Variants in GSTA5 observed in about 807,000 individuals in gnomAD.
GSTA5 encodes the protein glutathione S-transferase alpha 5, also known as glutathione S-transferase A5.
GSTA5 carries 25 observed loss-of-function variants against 21.8 expected under a neutral mutation model. That is an observed-to-expected ratio of 1.14 (90% confidence interval 0.83 to 1.60). GSTA5 has a LOEUF of 1.60. Among genes scored for constraint, GSTA5 ranks in the 40% most tolerant of loss-of-function variants. The pLI, the probability that GSTA5 is intolerant of heterozygous loss-of-function variation, is 0.00. For missense variants in GSTA5, 330 were observed against 259.2 expected (o/e 1.27, Z -1.88); for synonymous variants, 102 against 89.5 (o/e 1.14, Z -0.78).
At chr6:52,833,030 C>A in intron 4 of GSTA5, 40 bp from the exon 5 acceptor site, 3 of 1,612,246 alleles carry the variant, frequency 1.9e-6, no homozygotes, top group Non-Finnish European at 2.5e-6. Flanking sequence ...CACATGCACA[C>A]CCAGGCTGGG....
At chr6:52,843,112 T>C (rs1415602616), upstream of GSTA5, among the ~76,000 whole-genome samples, 5 of 152,226 alleles carry the variant, frequency 3.3e-5, no homozygotes, top group Non-Finnish European at 7.3e-5. Context: ...TAGTATTCCA[T>C]GGTGTATATG....
At chr6:52,833,455 G>C (rs1192476495) in intron 4 of GSTA5, among the ~76,000 whole-genome samples, 4 of 152,078 alleles carry the variant, frequency 2.6e-5, no homozygotes, top group African/African-American at 4.8e-5. Flanking sequence ...ATTTGTCCTT[G>C]TCTGCCCTCC....
intron 2 of GSTA5, among the ~76,000 whole-genome samples, 156 bp from the exon 3 acceptor site, chr6:52,836,524 T>C (rs1561926640): frequency 6.6e-6 from 1 of 152,236 alleles, no homozygotes; most frequent in Non-Finnish European, 1.5e-5. Flanking sequence ...CCTTGTTTTG[T>C]TTTTTGAGAC....
chr6:52,832,627 T>C (rs1407203267), intron 5 of GSTA5, among the ~76,000 whole-genome samples: 1 of 152,150 alleles, frequency 6.6e-6, no homozygotes, highest in Non-Finnish European at 1.5e-5. Flanking sequence ...GTCCTTTCCA[T>C]GATAAAAGGC....
intron 2 of GSTA5, among the ~76,000 whole-genome samples, chr6:52,836,826 TAA>T (rs1023295576): frequency 2.6e-5 from 4 of 152,258 alleles, no homozygotes; most frequent in African/African-American, 9.6e-5. Context: ...CAACATTTTT[TAA>T]AAGTTTCCTG....
chr6:52,840,422 A>T (rs1764356288), intron 1 of GSTA5, among the ~76,000 whole-genome samples: 1 of 152,152 alleles, frequency 6.6e-6, no homozygotes, highest in Non-Finnish European at 1.5e-5. Flanking sequence ...CATGTCATCA[A>T]ATATTCAGTC....
intron 1 of GSTA5, among the ~76,000 whole-genome samples, chr6:52,838,962 A>G (rs1764331958): frequency 6.6e-6 from 1 of 152,232 alleles, no homozygotes; most frequent in Non-Finnish European, 1.5e-5. Context: ...TTATACTTTA[A>G]TGGAGTTCTT....
At chr6:52,841,703 A>T (rs559092288), upstream of GSTA5, among the ~76,000 whole-genome samples, 2 of 152,318 alleles carry the variant, frequency 1.3e-5, no homozygotes, top group East Asian at 1.9e-4. Flanking sequence ...ATTCTTCTAA[A>T]CTTCTCTCAT....
chr6:52,839,071 T>C (rs1764335375), intron 1 of GSTA5, among the ~76,000 whole-genome samples: 1 of 152,042 alleles, frequency 6.6e-6, no homozygotes, highest in Non-Finnish European at 1.5e-5. Flanking sequence ...CTAGAGGTCA[T>C]GGGGGTGTGT....
At chr6:52,835,715 C>A (rs1452041220) in intron 3 of GSTA5, among the ~76,000 whole-genome samples, 1 of 152,122 alleles carries the variant, frequency 6.6e-6, no homozygotes, top group East Asian at 1.9e-4. Context: ...GTCAAGGTAA[C>A]CCCAGCATCC....
intron 5 of GSTA5, 70 bp downstream of exon 5, chr6:52,832,789 C>A: frequency 1.9e-6 from 3 of 1,607,600 alleles, no homozygotes; most frequent in Non-Finnish European, 2.6e-6. Flanking sequence ...ATGGTCAGTC[C>A]CGGGGCCCAG....
chr6:52,836,136 G>C, intron 3 of GSTA5, 100 bp downstream of exon 3: 2 of 1,322,952 alleles, frequency 1.5e-6, no homozygotes, highest in East Asian at 4.6e-5. Context: ...GACCCAGCCT[G>C]CTGCTGGTCA....
At chr6:52,842,226 G>A (rs569385480), upstream of GSTA5, among the ~76,000 whole-genome samples, 1 of 152,230 alleles carries the variant, frequency 6.6e-6, no homozygotes, top group South Asian at 2.1e-4. Flanking sequence ...TATCATGAAT[G>A]TGAATGGAAG....
intron 3 of GSTA5, among the ~76,000 whole-genome samples, chr6:52,835,034 C>T (rs565281367): frequency 3.3e-5 from 5 of 152,336 alleles, no homozygotes; most frequent in Non-Finnish European, 4.4e-5. Flanking sequence ...ACTGTAATTG[C>T]AACCTGTTAA....
chr6:52,831,999 T>C, intron 5 of GSTA5, 29 bp from the exon 6 acceptor site: 1 of 1,594,778 alleles, frequency 6.3e-7, no homozygotes, highest in South Asian at 1.2e-5. Context: ...AGCCTCAGAG[T>C]GAAGCCAAGG....
intron 1 of GSTA5, among the ~76,000 whole-genome samples, chr6:52,839,614 T>G (rs1442789768): frequency 6.6e-6 from 1 of 152,170 alleles, no homozygotes; most frequent in Non-Finnish European, 1.5e-5. Context: ...GGACGCCACC[T>G]CACCTGAAAC....
At chr6:52,841,501 T>C (rs1345293117), upstream of GSTA5, among the ~76,000 whole-genome samples, 5 of 152,370 alleles carry the variant, frequency 3.3e-5, no homozygotes, top group East Asian at 9.6e-4. Context: ...GGCTTCAGAC[T>C]TGTTTTACTG....
At chr6:52,834,400 G>A in intron 3 of GSTA5, 118 bp from the exon 4 acceptor site, 1 of 900,902 alleles carries the variant, frequency 1.1e-6, no homozygotes, top group Non-Finnish European at 1.7e-6. Flanking sequence ...TCCAGTTAGT[G>A]CCTTTTATAC....
At chr6:52,838,156 A>G (rs905430374) in intron 1 of GSTA5, among the ~76,000 whole-genome samples, 1 of 152,258 alleles carries the variant, frequency 6.6e-6, no homozygotes, top group African/African-American at 2.4e-5. Flanking sequence ...TCTGAAGTAC[A>G]TGGGACCCAA....
Sources: allele counts gnomAD v4.1 joint callset (sites outside exome capture counted in the v4.1 genomes callset), GRCh38; gene constraint gnomAD v4.1.1; transcripts MANE v1.5; gene names NCBI Gene and HGNC (gene_info 2026-07-23, HGNC 2026-07-21).